The following NOL4 variants were observed in gnomAD, a reference collection of about 807,000 sequenced individuals.
The protein encoded by NOL4 is cancer/testis antigen 125.
Under a neutral mutation model 75.9 loss-of-function variants are expected in NOL4, and 17 were observed. The ratio of observed to expected loss-of-function variants is 0.22; its 90% confidence interval spans 0.15 to 0.34. The LOEUF is 0.34. NOL4 is among the 10% of genes least tolerant of loss of function. NOL4 has a pLI of 1.00. For synonymous variants in NOL4, 292 were observed against 289.9 expected (o/e 1.01, Z -0.07); for missense variants, 614 against 793.5 (o/e 0.77, Z 2.72).
intron 2 of NOL4, among the ~76,000 whole-genome samples, chr18:34,124,663 G>A (rs1427665522): frequency 1.3e-5 from 2 of 152,100 alleles, no homozygotes; most frequent in East Asian, 1.9e-4. Flanking sequence ...CCAGCACTTT[G>A]GGAGGCCAAG....
intron 5 of NOL4, among the ~76,000 whole-genome samples, chr18:34,088,783 C>G (rs999437058): frequency 1.3e-5 from 2 of 151,896 alleles, no homozygotes; most frequent in East Asian, 3.9e-4. Flanking sequence ...ACTTTTTATG[C>G]GAAGATTCAG....
chr18:34,222,363 A>C, intron 1 of NOL4: 3 of 1,238,696 alleles, frequency 2.4e-6, no homozygotes, highest in African/African-American at 1.6e-5. Flanking sequence ...GGGAGGAGGA[A>C]TCTCCAGGAC....
At chr18:34,166,695 A>G (rs972680211) in intron 1 of NOL4, among the ~76,000 whole-genome samples, 2 of 152,114 alleles carry the variant, frequency 1.3e-5, no homozygotes, top group African/African-American at 4.8e-5. Flanking sequence ...GCATCTGCCA[A>G]TTCAACCAAC....
intron 5 of NOL4, chr18:34,023,428 C>T: frequency 2.2e-6 from 1 of 456,210 alleles, no homozygotes; most frequent in South Asian, 1.5e-5. Flanking sequence ...AAGGGGTAAT[C>T]TGCTTCCTTA....
chr18:34,081,608 A>T (rs144177233), intron 5 of NOL4, among the ~76,000 whole-genome samples: 1 of 152,292 alleles, frequency 6.6e-6, no homozygotes, highest in East Asian at 1.9e-4. Context: ...AAGGTACATC[A>T]CTATTGACAT....
chr18:34,046,106 T>C (rs1270741037), intron 5 of NOL4, among the ~76,000 whole-genome samples: 3 of 152,118 alleles, frequency 2.0e-5, no homozygotes, highest in Non-Finnish European at 4.4e-5. Flanking sequence ...TGTACTCTGG[T>C]TTCCCATGCA....
chr18:34,033,868 C>T (rs368207139), intron 5 of NOL4, among the ~76,000 whole-genome samples: 1 of 151,610 alleles, frequency 6.6e-6, no homozygotes, highest in East Asian at 1.9e-4. Flanking sequence ...ATCTTATGGG[C>T]CAGTAGAGAA....
At chr18:34,063,263 T>C (rs1033058109) in intron 5 of NOL4, among the ~76,000 whole-genome samples, 52 of 152,130 alleles carry the variant, frequency 3.4e-4, no homozygotes, top group African/African-American at 1.1e-3. Flanking sequence ...GCAGCAGCAA[T>C]GTAGAACCAC....
chr18:34,180,822 C>G (rs138205913), intron 1 of NOL4, among the ~76,000 whole-genome samples: 1,717 of 151,290 alleles, frequency 0.011, 20 homozygotes, highest in Non-Finnish European at 0.018. Flanking sequence ...AGAAAGCAAT[C>G]TATTTTATAC....
chr18:34,124,486 T>G (rs79072989), intron 2 of NOL4, among the ~76,000 whole-genome samples: 448 of 152,330 alleles, frequency 2.9e-3, no homozygotes, highest in African/African-American at 0.01. Context: ...CCCCTTTTTT[T>G]GAAAATAAAG....
intron 1 of NOL4, among the ~76,000 whole-genome samples, chr18:34,159,206 A>G (rs1196942843): frequency 6.6e-6 from 1 of 152,024 alleles, no homozygotes; most frequent in Non-Finnish European, 1.5e-5. Flanking sequence ...GCCTCCCCCG[A>G]CCTGCAGGCG....
rs2080514370 is a variant in NOL4 at position 34,129,103 on chromosome 18, A to G, written c.414+768T>C. Among the ~76,000 whole-genome samples the G allele has an allele frequency of 2.6e-5, 4 of 151,930 alleles. No individual in the cohort carries two copies. In the South Asian group the frequency reaches 8.3e-4, roughly 31 times the overall value. ...GACAGGATGAAATATCTATAGTAAT[A>G]TGATTTTATAAAGGTTTTAATTAAA... On this transcript the variant is annotated intron_variant, in intron 2 of 10. Transcript: ENST00000261592.
intron 6 of NOL4, among the ~76,000 whole-genome samples, chr18:33,984,941 C>T (rs2072312384): frequency 6.6e-6 from 1 of 152,026 alleles, no homozygotes; most frequent in Non-Finnish European, 1.5e-5. Flanking sequence ...CTATCTTTAA[C>T]TTAAGCAATC....
intron 6 of NOL4, among the ~76,000 whole-genome samples, chr18:33,987,081 A>C (rs1308654198): frequency 6.6e-6 from 1 of 152,122 alleles, no homozygotes; most frequent in African/African-American, 2.4e-5. Flanking sequence ...GGGATTTTAT[A>C]GTGAATCTTC....
At chr18:33,958,667 A>C (rs939697769) in intron 6 of NOL4, among the ~76,000 whole-genome samples, 10 of 152,156 alleles carry the variant, frequency 6.6e-5, no homozygotes, top group Non-Finnish European at 1.5e-5. Context: ...CACTGCAGAA[A>C]GTTTTATTGA....
At chr18:33,860,335 G>A (rs2063050731) in intron 10 of NOL4, among the ~76,000 whole-genome samples, 1 of 151,936 alleles carries the variant, frequency 6.6e-6, no homozygotes, top group Non-Finnish European at 1.5e-5. Context: ...AACCAATCAT[G>A]CCTCCCTGAC....
At chr18:33,869,461 A>G (rs1472595112) in intron 10 of NOL4, among the ~76,000 whole-genome samples, 1 of 151,938 alleles carries the variant, frequency 6.6e-6, no homozygotes, top group Admixed American at 6.6e-5. Flanking sequence ...TTGCTCTTAG[A>G]GTCTAATAAT....
intron 6 of NOL4, among the ~76,000 whole-genome samples, chr18:33,994,791 T>C (rs902156964): frequency 6.0e-5 from 9 of 151,134 alleles, no homozygotes; most frequent in Admixed American, 6.0e-4. Flanking sequence ...TAATGAAGAT[T>C]TGAGTGGAAA....
chr18:34,166,610 T>C (rs1023847234), intron 1 of NOL4, among the ~76,000 whole-genome samples: 10 of 152,106 alleles, frequency 6.6e-5, no homozygotes, highest in African/African-American at 2.4e-4. Context: ...CTCATAAATT[T>C]ATAACAATCA....
Sources: allele counts gnomAD v4.1 joint callset (sites outside exome capture counted in the v4.1 genomes callset), GRCh38; gene constraint gnomAD v4.1.1; transcripts MANE v1.5; gene names NCBI Gene and HGNC (gene_info 2026-07-23, HGNC 2026-07-21).